TENM3: variants seen among roughly 807,000 people sequenced by gnomAD.
TENM3 encodes teneurin transmembrane protein 3.
A neutral mutation model predicts 255.1 loss-of-function variants in TENM3; 63 were observed. That is an observed-to-expected ratio of 0.25 (90% CI 0.20 to 0.30). TENM3 has a LOEUF of 0.30. TENM3 is among the 10% of genes least tolerant of loss of function. The probability of loss-of-function intolerance (pLI) is 1.00; values close to 1 mark genes in which losing one functional copy is unlikely to be tolerated. For synonymous variants in TENM3, 1,306 were observed against 1,322.3 expected (o/e 0.99, Z 0.27); for missense variants, 2,929 against 3,461.1 (o/e 0.85, Z 3.86).
the TENM3 span, among the ~76,000 whole-genome samples, chr4:181,610,917 T>C: frequency 6.6e-6 from 1 of 152,194 alleles, no homozygotes; most frequent in Non-Finnish European, 1.5e-5. Context: ...TTAGTTTTTC[T>C]ACTAAATAAA....
At chr4:182,282,801 G>A (rs1760471708) in intron 1 of TENM3, among the ~76,000 whole-genome samples, 1 of 150,846 alleles carries the variant, frequency 6.6e-6, no homozygotes, top group Non-Finnish European at 1.5e-5. Context: ...GCTGAGTCAG[G>A]AGAATTGCTT....
the TENM3 span, among the ~76,000 whole-genome samples, chr4:181,918,285 G>C: frequency 6.6e-6 from 1 of 152,028 alleles, no homozygotes; most frequent in Non-Finnish European, 1.5e-5. Context: ...ATATTTAATA[G>C]CTTTTCCTTA....
At chr4:182,088,378 C>T in the TENM3 span, among the ~76,000 whole-genome samples, 1 of 152,072 alleles carries the variant, frequency 6.6e-6, no homozygotes, top group African/African-American at 2.4e-5. Context: ...CCTTCAAGTA[C>T]TCCCAGTGTT....
the TENM3 span, chr4:181,877,137 A>C: frequency 6.6e-6 from 1 of 152,116 alleles, no homozygotes; most frequent in Non-Finnish European, 1.5e-5. Context: ...GAAATGTGTA[A>C]AAATATACAT....
At chr4:181,483,248 G>A in the TENM3 span, among the ~76,000 whole-genome samples, 1 of 152,042 alleles carries the variant, frequency 6.6e-6, no homozygotes, top group Non-Finnish European at 1.5e-5. Context: ...TTTTGGGAAC[G>A]TGTTTTTTTA....
the TENM3 span, among the ~76,000 whole-genome samples, chr4:182,080,826 T>C: frequency 1.5e-3 from 198 of 134,236 alleles, 7 homozygotes; most frequent in East Asian, 0.042. Context: ...ACCCCGCCTT[T>C]ATAAAAAATT....
intron 4 of TENM3, among the ~76,000 whole-genome samples, chr4:182,601,617 C>G (rs1444248108): frequency 6.6e-6 from 1 of 152,142 alleles, no homozygotes; most frequent in Non-Finnish European, 1.5e-5. Context: ...GAATATAACA[C>G]TTAAGCACAA....
chr4:182,162,396 T>A (rs1264729608), intron 1 of TENM3, among the ~76,000 whole-genome samples: 1 of 152,086 alleles, frequency 6.6e-6, no homozygotes, highest in Non-Finnish European at 1.5e-5. Flanking sequence ...TCCAAAGAAA[T>A]GTGTAATAAT....
At position 182,680,269 on chromosome 4, in the gene TENM3, G is replaced by A. The variant is rs373226740; in HGVS notation, c.1559G>A (p.Arg520Gln). 5.5e-5 allele frequency: 89 copies of A among 1,613,508 alleles called. No homozygotes were observed. The highest frequency in any genetic ancestry group is 2.5e-4 in the Admixed American group (15 of 59,994). Residue 520 changes from arginine (R) to glutamine (Q), a missense_variant, in exon 9 of 28, where the codon CGA (arginine) becomes CAA (glutamine). Physicochemically the swap from Arg to Gln is conservative, Grantham distance 43. Coordinates refer to ENST00000511685, the MANE Select transcript of TENM3 (RefSeq NM_001080477.4). The stretch of plus-strand genomic sequence containing the variant: ...TCAGAGTCTGTGGTGGAATGTCCCC[G>A]AAATTGCCATGGAAATGGAGAATGC... ...IVIESVVECP[R>Q]NCHGNGECVS... is the part of the protein sequence containing the mutation.
At chr4:182,702,779 C>T (rs1400134599) in intron 12 of TENM3, among the ~76,000 whole-genome samples, 2 of 151,944 alleles carry the variant, frequency 1.3e-5, no homozygotes, top group East Asian at 3.9e-4. Flanking sequence ...GCTCTGTCGC[C>T]CAGGCTGGAG....
the TENM3 span, among the ~76,000 whole-genome samples, chr4:181,618,385 C>T: frequency 6.6e-6 from 1 of 152,208 alleles, no homozygotes; most frequent in African/African-American, 2.4e-5. Context: ...ATATCCATCC[C>T]ATTGCTCGAT....
At chr4:182,699,871 G>A (rs1757715568) in intron 12 of TENM3, among the ~76,000 whole-genome samples, 1 of 151,776 alleles carries the variant, frequency 6.6e-6, no homozygotes, top group African/African-American at 2.4e-5. Flanking sequence ...CACCGAAACC[G>A]AGTATATTGG....
At chr4:181,952,015 A>G in the TENM3 span, among the ~76,000 whole-genome samples, 1 of 152,134 alleles carries the variant, frequency 6.6e-6, no homozygotes, top group Non-Finnish European at 1.5e-5. Flanking sequence ...GCTGTATTAT[A>G]TTGTATGGTA....
chr4:181,904,608 T>A, the TENM3 span, among the ~76,000 whole-genome samples: 1 of 152,212 alleles, frequency 6.6e-6, no homozygotes, highest in Non-Finnish European at 1.5e-5. Flanking sequence ...CTCTCAAGTC[T>A]CTGTCACTCA....
At chr4:181,910,312 A>G in the TENM3 span, among the ~76,000 whole-genome samples, 1 of 151,988 alleles carries the variant, frequency 6.6e-6, no homozygotes, top group Non-Finnish European at 1.5e-5. Flanking sequence ...CATGCCTGTA[A>G]TCCCAGCACT....
the TENM3 span, chr4:181,835,183 A>G: frequency 8.5e-5 from 13 of 152,188 alleles, no homozygotes; most frequent in African/African-American, 3.1e-4. Context: ...TAGATTTTCA[A>G]ATTCGGTCTG....
At chr4:182,738,894 G>A (rs1386803640) in intron 18 of TENM3, among the ~76,000 whole-genome samples, 1 of 151,982 alleles carries the variant, frequency 6.6e-6, no homozygotes, top group Non-Finnish European at 1.5e-5. Context: ...GAGTCAGTGA[G>A]TGTGAGCCAA....
the TENM3 span, among the ~76,000 whole-genome samples, chr4:181,639,731 A>G: frequency 6.6e-6 from 1 of 152,068 alleles, no homozygotes; most frequent in East Asian, 1.9e-4. Flanking sequence ...CAAGAGCAAG[A>G]CTTATTCTCA....
intron 4 of TENM3, among the ~76,000 whole-genome samples, chr4:182,612,673 T>C (rs1409166240): frequency 6.6e-6 from 1 of 152,206 alleles, no homozygotes; most frequent in Non-Finnish European, 1.5e-5. Flanking sequence ...CTTTGCCTGC[T>C]CCTTCTAACC....
Sources: gnomAD v4.1 joint callset for allele counts (sites outside exome capture counted in the v4.1 genomes callset) on GRCh38, gnomAD v4.1.1 for gene constraint, MANE v1.5 for transcripts, NCBI Gene and HGNC (gene_info 2026-07-23, HGNC 2026-07-21) for gene names.